Variants in RECK observed in about 807,000 individuals in gnomAD.
RECK encodes the protein reversion-inducing cysteine-rich protein with Kazal motifs.
In RECK, 69 loss-of-function variants were observed where a neutral mutation model predicts 115.1. That is an observed-to-expected ratio of 0.60 (90% CI 0.49 to 0.73). The LOEUF (loss-of-function observed/expected upper bound fraction) is 0.73, where lower values mean the gene tolerates loss of function less well. Among genes scored for constraint, RECK ranks in the 30% least tolerant of loss-of-function variants. The pLI is 0.00. For synonymous variants in RECK, 414 were observed against 419.7 expected, an observed-to-expected ratio of 0.99 and a Z score of 0.17; for missense variants, 1,047 against 1,203.7, an observed-to-expected ratio of 0.87 and a Z score of 1.93.
chr9:36,068,686 G>C (rs1419120804), intron 6 of RECK, among the ~76,000 whole-genome samples: 1 of 152,208 alleles, frequency 6.6e-6, no homozygotes. Flanking sequence ...TCTGATTGAA[G>C]GTGGAAAATC....
At chr9:36,098,793 C>G (rs977245378) in intron 10 of RECK, among the ~76,000 whole-genome samples, 1 of 151,958 alleles carries the variant, frequency 6.6e-6, no homozygotes, top group Non-Finnish European at 1.5e-5. Context: ...GAAAAAAAGC[C>G]CAACACAAAA....
chr9:36,115,315 A>AAATAATAATAATAAT (rs10607815), intron 16 of RECK, among the ~76,000 whole-genome samples: 1 of 149,352 alleles, frequency 6.7e-6, no homozygotes, highest in African/African-American at 2.5e-5. Flanking sequence ...ACTCTGTCTC[A>AAATAATAATAATAAT]AATAATAATA....
rs375884811 is a variant in RECK, at chr9:36,106,029, T to A, written c.1576+746T>A. Among the ~76,000 whole-genome samples, 66 of 151,874 alleles carry A rather than the reference T, an allele frequency of 4.3e-4. 1 individual carries two copies. The South Asian group carries it at 0.013, about 30-fold the overall frequency. On this transcript the variant is annotated intron_variant, in intron 13 of 20. Transcript: ENST00000377966. ...GAGATCGAAACCATCCTGGCTAACA[T>A]GGTGAAACCTTGTCTCTACTGAAAA...
At chr9:36,121,447 C>T (rs917672039) in intron 19 of RECK, 86 bp from the exon 20 acceptor site, 1 of 1,331,752 alleles carries the variant, frequency 7.5e-7, no homozygotes, top group South Asian at 1.4e-5. Context: ...AAAAGAGCCT[C>T]CTCAGCTGGC....
At chr9:36,088,012 T>C in intron 9 of RECK, 51 bp downstream of exon 9, 1 of 1,378,558 alleles carries the variant, frequency 7.3e-7, no homozygotes, top group East Asian at 2.3e-5. Flanking sequence ...GGCATTTTAA[T>C]TAATGATTTT....
chr9:36,062,807 T>C (rs1024462789), intron 4 of RECK, among the ~76,000 whole-genome samples: 4 of 152,136 alleles, frequency 2.6e-5, no homozygotes, highest in Admixed American at 2.6e-4. Context: ...TAGGATTCAT[T>C]CACTGACATT....
At chr9:36,064,326 T>A (rs1307157354) in intron 5 of RECK, among the ~76,000 whole-genome samples, 8 of 152,220 alleles carry the variant, frequency 5.3e-5, no homozygotes, top group Non-Finnish European at 1.2e-4. Flanking sequence ...AAGATGAATC[T>A]GACTCATACA....
At chr9:36,053,762 A>G (rs1821403781) in intron 2 of RECK, among the ~76,000 whole-genome samples, 1 of 152,200 alleles carries the variant, frequency 6.6e-6, no homozygotes, top group African/African-American at 2.4e-5. Flanking sequence ...GGCAAGGTCT[A>G]ATTTCTTAAA....
At chr9:36,066,199 G>A (rs1330731431) in intron 6 of RECK, among the ~76,000 whole-genome samples, 2 of 152,022 alleles carry the variant, frequency 1.3e-5, no homozygotes, top group Admixed American at 6.6e-5. Context: ...GGGGTATAGC[G>A]GAAGTATTTT....
At chr9:36,080,699 A>G in intron 7 of RECK, 61 bp downstream of exon 7, 2 of 1,459,768 alleles carry the variant, frequency 1.4e-6, no homozygotes, top group South Asian at 2.3e-5. Flanking sequence ...CATCTGAAGC[A>G]ATGTGCACAG....
intron 6 of RECK, among the ~76,000 whole-genome samples, chr9:36,073,247 C>G (rs7864885): frequency 6.9e-6 from 1 of 145,490 alleles, no homozygotes; most frequent in African/African-American, 2.8e-5. Flanking sequence ...CACAGACACA[C>G]ACACACACAC....
chr9:36,042,070 T>A (rs932970813), intron 1 of RECK, among the ~76,000 whole-genome samples: 1 of 151,960 alleles, frequency 6.6e-6, no homozygotes, highest in African/African-American at 2.4e-5. Flanking sequence ...ATTACTACTT[T>A]TTTTTTTAGT....
chr9:36,092,008 C>T (rs1218284536), intron 10 of RECK, among the ~76,000 whole-genome samples: 1 of 152,194 alleles, frequency 6.6e-6, no homozygotes, highest in Non-Finnish European at 1.5e-5. Flanking sequence ...GGAAGAGAAT[C>T]ATTCAATTGG....
chr9:36,083,244 G>A (rs563098920), intron 7 of RECK, 121 bp from the exon 8 acceptor site: 9 of 1,023,416 alleles, frequency 8.8e-6, no homozygotes, highest in Middle Eastern at 2.1e-4. Flanking sequence ...AGTGTTCATC[G>A]TCTGTGGCAT....
Position 36,117,283 on chromosome 9 carries a change from C to G in RECK, c.2253+106C>G, listed in dbSNP as rs921063275. On this transcript the variant is annotated intron_variant, in intron 17 of 20. Transcript: ENST00000377966. ...GACCAGCCGAGGGTCTTCTGTGAAT[C>G]CTGTCAAATCTATAGCACCCAGTCC... 4.8e-5 allele frequency: 41 copies of G among 862,418 alleles called. 1 individual carries two copies. The Admixed American group carries it at 8.7e-4, about 18-fold the overall frequency. 53.4% of individuals were successfully genotyped at this position (862,418 alleles called of 1,614,324 possible).
At chr9:36,071,796 T>C (rs970334820) in intron 6 of RECK, among the ~76,000 whole-genome samples, 4 of 152,316 alleles carry the variant, frequency 2.6e-5, no homozygotes, top group African/African-American at 9.6e-5. Context: ...TGTTCTGCCA[T>C]GGGGCTCTGG....
chr9:36,087,207 C>G (rs1387495800), intron 8 of RECK, among the ~76,000 whole-genome samples: 1 of 152,088 alleles, frequency 6.6e-6, no homozygotes, highest in Non-Finnish European at 1.5e-5. Flanking sequence ...TTTATTGCAG[C>G]ACTATTCACA....
Position 36,037,062 on chromosome 9 carries a change from G to A in RECK, c.64G>A (p.Ala22Thr), listed in dbSNP as rs1376213136. The change falls in exon 1 of 21, where the codon GCG becomes ACG. Residue 22 changes from alanine (A) to threonine (T), a missense_variant. By Grantham distance (58) the Ala-to-Thr change is moderately conservative. Transcript: ENST00000377966. ...LLLLLAVAGV[A>T]EVAGGLAPGS... ...CCTTCTGCTGGCCGTGGCGGGGGTC[G>A]CGGAGGTGGCAGGGGGCCTGGCTCC... The A allele has an allele frequency of 1.4e-6, 2 of 1,390,024 alleles. No individual in the cohort carries two copies. The highest frequency in any genetic ancestry group is 1.9e-6 in the Non-Finnish European group (2 of 1,066,686). The allele number at this position is 1,390,024 out of a possible 1,614,324, so 86.1% of individuals were successfully genotyped here. A position where few individuals can be genotyped will look rare whatever the true frequency, so the allele number is the denominator to read the frequency against.
chr9:36,101,512 G>A (rs1294249908), intron 11 of RECK, among the ~76,000 whole-genome samples: 1 of 152,086 alleles, frequency 6.6e-6, no homozygotes, highest in African/African-American at 2.4e-5. Context: ...ACATGGCTTC[G>A]GGATAACCTG....
Sources: gnomAD v4.1 joint callset for allele counts (sites outside exome capture counted in the v4.1 genomes callset) on GRCh38, gnomAD v4.1.1 for gene constraint, MANE v1.5 for transcripts, NCBI Gene and HGNC (gene_info 2026-07-23, HGNC 2026-07-21) for gene names.